Variants in ZMYND8 observed in about 807,000 individuals in gnomAD.
ZMYND8 encodes the protein MYND-type zinc finger-containing chromatin reader ZMYND8.
In ZMYND8, 37 loss-of-function variants were observed where a neutral mutation model predicts 140.8. That is an observed-to-expected ratio of 0.26 (90% CI 0.20 to 0.35). The LOEUF (loss-of-function observed/expected upper bound fraction) is 0.35. Ranked by LOEUF, ZMYND8 falls within the 10% of genes least tolerant of loss-of-function variation. The pLI is 1.00. For synonymous variants in ZMYND8, 592 were observed against 597.1 expected, an observed-to-expected ratio of 0.99 and a Z score of 0.12; for missense variants, 1,068 against 1,570.0, an observed-to-expected ratio of 0.68 and a Z score of 5.40.
At chr20:47,244,133 CA>C (rs2040263658) in intron 14 of ZMYND8, among the ~76,000 whole-genome samples, 1 of 152,216 alleles carries the variant, frequency 6.6e-6, no homozygotes, top group Non-Finnish European at 1.5e-5. Flanking sequence ...GAAAGATTCT[CA>C]AGGCCCATCC....
chr20:47,225,140 A>G (rs2037507340), intron 18 of ZMYND8, among the ~76,000 whole-genome samples: 1 of 152,150 alleles, frequency 6.6e-6, no homozygotes, highest in African/African-American at 2.4e-5. Flanking sequence ...TCCAGATGGG[A>G]CTGTGGTTGA....
At chr20:47,236,304 G>A (rs746890680) in intron 16 of ZMYND8, 22 bp downstream of exon 16, 12 of 1,613,786 alleles carry the variant, frequency 7.4e-6, no homozygotes, top group South Asian at 5.5e-5. Flanking sequence ...CCATCTCCAC[G>A]GTAGCTCTCC....
chr20:47,347,312 A>G (rs2082416848), intron 2 of ZMYND8, among the ~76,000 whole-genome samples: 1 of 152,182 alleles, frequency 6.6e-6, no homozygotes, highest in African/African-American at 2.4e-5. Context: ...TCAGGAGTCT[A>G]CTCCAGGCTT....
At chr20:47,224,187 T>C (rs868137458) in intron 19 of ZMYND8, 130 bp downstream of exon 19, 4 of 1,449,402 alleles carry the variant, frequency 2.8e-6, no homozygotes, top group African/African-American at 2.8e-5. Context: ...CACAATTGTT[T>C]TTGAGTGAAA....
chr20:47,267,316 C>T (rs1010905034), intron 11 of ZMYND8, among the ~76,000 whole-genome samples: 1 of 151,904 alleles, frequency 6.6e-6, no homozygotes, highest in Non-Finnish European at 1.5e-5. Flanking sequence ...TATTTTGGAG[C>T]GATGGAAATG....
chr20:47,253,536 C>CACA (rs1273405082), intron 12 of ZMYND8, among the ~76,000 whole-genome samples: 1 of 115,910 alleles, frequency 8.6e-6, no homozygotes, highest in Non-Finnish European at 1.8e-5. Context: ...GACTCCATCT[C>CACA]AAAAAAAAAA....
chr20:47,250,408 G>A (rs2074074737), intron 12 of ZMYND8, among the ~76,000 whole-genome samples: 1 of 152,186 alleles, frequency 6.6e-6, no homozygotes. Context: ...CCCAAAGCGA[G>A]TGTGAGGCAT....
intron 8 of ZMYND8, among the ~76,000 whole-genome samples, chr20:47,284,450 C>T (rs1351055772): frequency 1.3e-5 from 2 of 152,176 alleles, no homozygotes; most frequent in East Asian, 3.9e-4. Context: ...GTCCCTGCAA[C>T]AAAGAATTCT....
intron 21 of ZMYND8, among the ~76,000 whole-genome samples, chr20:47,219,214 C>G (rs552264015): frequency 6.6e-6 from 1 of 151,536 alleles, no homozygotes; most frequent in African/African-American, 2.4e-5. Context: ...CATGTCACCA[C>G]GCCCAGCTAA....
intron 8 of ZMYND8, among the ~76,000 whole-genome samples, chr20:47,285,178 AGT>A (rs1335553477): frequency 6.6e-6 from 1 of 152,244 alleles, no homozygotes; most frequent in Non-Finnish European, 1.5e-5. Context: ...GAACCCAGGT[AGT>A]CGGGCTCCAA....
intron 2 of ZMYND8, among the ~76,000 whole-genome samples, chr20:47,336,060 C>T (rs774965658): frequency 6.6e-6 from 1 of 152,132 alleles, no homozygotes; most frequent in African/African-American, 2.4e-5. Context: ...TTCTGCATCG[C>T]GCTGTGATTT....
chr20:47,243,298 T>C (rs889512424), intron 14 of ZMYND8, among the ~76,000 whole-genome samples: 1 of 152,208 alleles, frequency 6.6e-6, no homozygotes, highest in African/African-American at 2.4e-5. Context: ...CACGAGAATT[T>C]TTCAAGACCC....
chr20:47,304,106 G>A (rs2078294383), intron 3 of ZMYND8, among the ~76,000 whole-genome samples: 1 of 152,190 alleles, frequency 6.6e-6, no homozygotes, highest in Non-Finnish European at 1.5e-5. Flanking sequence ...TCCCCTACAT[G>A]TATAATGTGT....
intron 6 of ZMYND8, 22 bp from the exon 7 acceptor site, chr20:47,290,296 C>T (rs775969864): frequency 1.2e-6 from 2 of 1,609,616 alleles, no homozygotes; most frequent in South Asian, 1.1e-5. Flanking sequence ...AGCGATGGAG[C>T]ATAATCACAG....
intron 2 of ZMYND8, chr20:47,318,980 G>A (rs2079664682): frequency 7.4e-7 from 1 of 1,351,520 alleles, no homozygotes; most frequent in Non-Finnish European, 9.8e-7. Context: ...GCTGCTCAGA[G>A]GGCCTAGCCT....
chr20:47,275,876 T>C (rs2076226040), intron 11 of ZMYND8, among the ~76,000 whole-genome samples: 1 of 152,214 alleles, frequency 6.6e-6, no homozygotes, highest in African/African-American at 2.4e-5. Context: ...CCCAAAGTGC[T>C]GGGACTACAG....
chr20:47,242,097 G>GT (rs952400518), intron 14 of ZMYND8, among the ~76,000 whole-genome samples: 6 of 152,174 alleles, frequency 3.9e-5, no homozygotes, highest in African/African-American at 1.2e-4. Flanking sequence ...GATTACAGGC[G>GT]TGAGCCGCTG....
intron 6 of ZMYND8, 36 bp from the exon 7 acceptor site, chr20:47,290,310 G>A (rs777222214): frequency 6.3e-7 from 1 of 1,587,194 alleles, no homozygotes; most frequent in African/African-American, 1.4e-5. Flanking sequence ...ATCACAGTGA[G>A]TCTAGACAAG....
intron 2 of ZMYND8, among the ~76,000 whole-genome samples, chr20:47,333,861 T>C (rs1024595134): frequency 7.7e-5 from 11 of 143,206 alleles, no homozygotes; most frequent in Admixed American, 5.7e-4. Context: ...TGAGCTGAGA[T>C]AGTGCCACTG....
Sources: allele counts gnomAD v4.1 joint callset (sites outside exome capture counted in the v4.1 genomes callset), GRCh38; gene constraint gnomAD v4.1.1; transcripts MANE v1.5; gene names NCBI Gene and HGNC (gene_info 2026-07-23, HGNC 2026-07-21).